The following MAPKAP1 variants were observed in gnomAD, a reference collection of about 807,000 sequenced individuals.
MAPKAP1 encodes the protein target of rapamycin complex 2 subunit MAPKAP1.
Under a neutral mutation model 65.7 loss-of-function variants are expected in MAPKAP1, and 20 were observed. The ratio of observed to expected loss-of-function variants is 0.30; its 90% CI spans 0.21 to 0.44. The LOEUF is 0.44. MAPKAP1 is among the 20% of genes least tolerant of loss of function. The probability of loss-of-function intolerance (pLI) is 1.00; values close to 1 mark genes in which losing one functional copy is unlikely to be tolerated. For missense variants in MAPKAP1, 423 were observed against 648.0 expected (o/e 0.65, Z 3.77); for synonymous variants, 222 against 244.3 (o/e 0.91, Z 0.85).
rs1444277586 is a variant in MAPKAP1, at chr9:125,447,401, G to A, written c.1346-2803C>T. On this transcript the variant is annotated intron_variant, in intron 10 of 11. Transcript: ENST00000265960. This position sits in a 1 kb window ranked among gnomAD's most constrained non-coding sequence, Gnocchi z 4.5. ...TTTGGACTTGAACAATGACACAGCT[G>A]CAAAGTTAATCACTGGGCCGAGGCA... 2.2e-6 allele frequency: 1 copy of A among 456,654 alleles called. No homozygotes were observed. 28.3% of individuals were successfully genotyped at this position (456,654 alleles called of 1,614,324 possible). A position where few individuals can be genotyped will look rare whatever the true frequency, so the allele number is the denominator to read the frequency against.
At chr9:125,608,101 C>T (rs992658583) in intron 4 of MAPKAP1, among the ~76,000 whole-genome samples, 3 of 152,078 alleles carry the variant, frequency 2.0e-5, no homozygotes, top group African/African-American at 7.2e-5. Flanking sequence ...AACCATGGCA[C>T]TCTAGGGTTC....
At chr9:125,513,771 G>C (rs145640299) in intron 7 of MAPKAP1, among the ~76,000 whole-genome samples, 47 of 152,318 alleles carry the variant, frequency 3.1e-4, no homozygotes, top group African/African-American at 1.1e-3. Flanking sequence ...CCTTACCAGG[G>C]AGGGCACACC....
intron 5 of MAPKAP1, among the ~76,000 whole-genome samples, chr9:125,561,150 A>C (rs1830881454): frequency 6.6e-6 from 1 of 152,216 alleles, no homozygotes; most frequent in South Asian, 2.1e-4. Flanking sequence ...TGGTTGGTTG[A>C]TCTATATAGA....
intron 9 of MAPKAP1, among the ~76,000 whole-genome samples, chr9:125,479,321 T>C (rs1045265393): frequency 1.1e-4 from 17 of 152,340 alleles, no homozygotes; most frequent in African/African-American, 3.8e-4. Context: ...GGCTCACGCC[T>C]GTAATCCCAG....
At chr9:125,654,066 A>G (rs78504455) in intron 4 of MAPKAP1, among the ~76,000 whole-genome samples, 1 of 152,360 alleles carries the variant, frequency 6.6e-6, no homozygotes, top group African/African-American at 2.4e-5. Flanking sequence ...TTCTTAAAAC[A>G]TAACCTAATC....
At chr9:125,619,329 A>G (rs1019797091) in intron 4 of MAPKAP1, among the ~76,000 whole-genome samples, 5 of 152,184 alleles carry the variant, frequency 3.3e-5, no homozygotes, top group African/African-American at 4.8e-5. Context: ...CGGAAAAGAG[A>G]AAGTCACAGG....
intron 5 of MAPKAP1, among the ~76,000 whole-genome samples, chr9:125,560,969 T>C (rs937636115): frequency 5.3e-5 from 8 of 152,272 alleles, no homozygotes; most frequent in East Asian, 3.9e-4. Context: ...ATCAATTCAA[T>C]TGCTCCAAAC....
In MAPKAP1 at chr9:125,554,794, CAAAAA is replaced by C. The variant is rs56911891; in HGVS notation, c.848+4834_848+4838del. 1.2e-4 allele frequency among the ~76,000 whole-genome samples: 8 copies of C among 65,640 alleles called. No individual in the cohort carries two copies. In the East Asian group the frequency reaches 1.7e-3, roughly 14 times the overall value. 43.1% of individuals were successfully genotyped at this position (65,640 alleles called of 152,430 possible). Reference sequence around the variant, plus strand: ...CTAGGCCACACAGCAAGACACTTATCAAAAAAAAAAAAAAAAAAAAAAAGCATTTT... The same window carrying C: ...CTAGGCCACACAGCAAGACACTTATCAAAAAAAAAAAAAAAAAAGCATTTT... On this transcript the variant is annotated intron_variant, in intron 6 of 11. Transcript: ENST00000265960.
intron 4 of MAPKAP1, among the ~76,000 whole-genome samples, chr9:125,631,579 C>A (rs1282471824): frequency 1.3e-5 from 2 of 152,152 alleles, no homozygotes; most frequent in African/African-American, 4.8e-5. Context: ...ACACTAAATT[C>A]CCTACTTTTG....
chr9:125,477,764 C>T (rs903378234), intron 9 of MAPKAP1, among the ~76,000 whole-genome samples: 4 of 152,294 alleles, frequency 2.6e-5, no homozygotes, highest in South Asian at 4.1e-4. Context: ...TCAATGTTCC[C>T]CTAACTTACT....
chr9:125,599,604 C>CT (rs72065538), intron 4 of MAPKAP1, among the ~76,000 whole-genome samples: 1,519 of 126,416 alleles, frequency 0.012, 13 homozygotes, highest in African/African-American at 0.019. Flanking sequence ...ATGTAAGTCC[C>CT]TTTTTTTTTT....
At position 125,624,413 on chromosome 9, in the gene MAPKAP1, G is replaced by A. The variant is rs1397482467; in HGVS notation, c.498+33238C>T. On this transcript the variant is annotated intron_variant, in intron 4 of 11. Transcript: ENST00000265960. ...GGGTCGGCCCCCATCCCGGCCAGCC[G>A]CCCCGTCCGGGAGGGAGGTGGGGGG... Among the ~76,000 whole-genome samples, 4 of 91,030 alleles carry A rather than the reference G, an allele frequency of 4.4e-5. 1 individual carries two copies. The highest frequency in any genetic ancestry group is 8.0e-5 in the African/African-American group (2 of 25,108). The allele number at this position is 91,030 out of a possible 152,430, so 59.7% of individuals were successfully genotyped here.
At chr9:125,611,332 GGAGA>G (rs1221627360) in intron 4 of MAPKAP1, among the ~76,000 whole-genome samples, 2 of 152,168 alleles carry the variant, frequency 1.3e-5, no homozygotes, top group Admixed American at 6.5e-5. Context: ...CCACAGCTGA[GGAGA>G]GAATCTGTTA....
intron 9 of MAPKAP1, among the ~76,000 whole-genome samples, chr9:125,476,905 C>T (rs1335205184): frequency 6.6e-6 from 1 of 152,208 alleles, no homozygotes; most frequent in Non-Finnish European, 1.5e-5. Context: ...CCCTCAGACA[C>T]AGCTGGAGAT....
intron 4 of MAPKAP1, among the ~76,000 whole-genome samples, chr9:125,605,011 G>GC (rs1832402165): frequency 6.6e-6 from 1 of 152,142 alleles, no homozygotes; most frequent in Non-Finnish European, 1.5e-5. Context: ...AAATACTATT[G>GC]CATTTATTAT....
intron 3 of MAPKAP1, among the ~76,000 whole-genome samples, chr9:125,669,540 A>T (rs535345089): frequency 3.3e-5 from 5 of 152,282 alleles, no homozygotes; most frequent in South Asian, 2.1e-4. Flanking sequence ...ATATTTTTTT[A>T]AAAAATCAGA....
intron 4 of MAPKAP1, among the ~76,000 whole-genome samples, chr9:125,599,488 G>T (rs1365134883): frequency 6.6e-6 from 1 of 151,958 alleles, no homozygotes; most frequent in East Asian, 1.9e-4. Context: ...CAAAAAACTT[G>T]GTTACTAAAC....
intron 7 of MAPKAP1, among the ~76,000 whole-genome samples, chr9:125,516,389 G>C (rs1026957568): frequency 2.0e-5 from 3 of 152,190 alleles, no homozygotes; most frequent in African/African-American, 7.2e-5. Flanking sequence ...TTTAGAGCAT[G>C]TTAAGGACAC....
At chr9:125,535,085 A>G (rs1028873729) in intron 7 of MAPKAP1, among the ~76,000 whole-genome samples, 4 of 152,212 alleles carry the variant, frequency 2.6e-5, no homozygotes, top group African/African-American at 9.6e-5. Context: ...AAGCTCACTT[A>G]TCAGGCCTGG....
Sources: gnomAD v4.1 joint callset for allele counts (sites outside exome capture counted in the v4.1 genomes callset) on GRCh38, gnomAD v4.1.1 for gene constraint, Gnocchi (gnomAD v3.1) non-coding constraint, MANE v1.5 for transcripts, NCBI Gene and HGNC (gene_info 2026-07-23, HGNC 2026-07-21) for gene names.